The following ROS1 variants were observed in gnomAD, a reference collection of about 807,000 sequenced individuals.
The protein encoded by ROS1 is ROS proto-oncogene 1, receptor tyrosine kinase.
In ROS1, 263 loss-of-function variants were observed where a neutral mutation model predicts 273.5. The observed-to-expected ratio is 0.96, with a 90% CI of 0.87 to 1.06. The LOEUF (loss-of-function observed/expected upper bound fraction) is 1.06. Among genes scored for constraint, ROS1 ranks in the 50% least tolerant of loss-of-function variants. The probability of loss-of-function intolerance (pLI) is 0.00; values close to 1 mark genes in which losing one functional copy is unlikely to be tolerated. For missense variants in ROS1, 2,833 were observed against 2,751.1 expected, an observed-to-expected ratio of 1.03 and a Z score of -0.67; for synonymous variants, 1,008 against 954.1, an observed-to-expected ratio of 1.06 and a Z score of -1.04.
At chr6:117,298,196 G>A (rs6922423) in intron 43 of ROS1, among the ~76,000 whole-genome samples, 370 of 152,170 alleles carry the variant, frequency 2.4e-3, no homozygotes, top group African/African-American at 8.3e-3. Context: ...TGAAATGATA[G>A]ACAATGAAAA....
Position 117,394,352 on chromosome 6 carries a change from A to G in ROS1, c.1007-6T>C. 6.3e-7 allele frequency: 1 copy of G among 1,590,258 alleles called. No individual in the cohort carries two copies. Among genetic ancestry groups the G allele is most frequent in the Non-Finnish European group, 8.5e-7 (1 of 1,174,654 alleles). On this transcript the variant is annotated splice_region_variant and splice_polypyrimidine_tract_variant and intron_variant, in intron 10 of 43. Coordinates refer to ENST00000368507, the MANE Select transcript of ROS1 (RefSeq NM_001378902.1). ...GTGGACATCAACAGATATTCCTAGA[A>G]GAGCCATGCAAGTGCACACACATTA...
chr6:117,418,444 A>G lies in ROS1; in HGVS notation c.168+18T>C, dbSNP rs767984433. 1.9e-6 allele frequency: 3 copies of G among 1,563,670 alleles called. No individual in the cohort carries two copies. Among genetic ancestry groups the G allele is most frequent in the Non-Finnish European group, 2.6e-6 (3 of 1,145,240 alleles). ...CACAAACATTGTAATATTCTTGACA[A>G]CTGAAGAAATTACTTACCGGTTCAC... On this transcript the variant is annotated intron_variant, in intron 2 of 43. Transcript: ENST00000368507.
chr6:117,396,987 T>A lies in ROS1; in HGVS notation c.734A>T (p.Asn245Ile). ...CTGTGTCCCTGCATCTAATTTTTGA[T>A]TTTTGCTGATCAGCCTTAAGTTATA... Reference protein sequence around the residue: ...LGYNLRLISKNQKLDAGTQRT... With the variant: ...LGYNLRLISKIQKLDAGTQRT... Residue 245 changes from asparagine to isoleucine, a missense_variant, in exon 8 of 44, where the codon AAT (asparagine) becomes ATT (isoleucine). By Grantham distance (149) the Asn-to-Ile change is moderately radical. Transcript: ENST00000368507. 1 of 1,614,164 alleles carries A rather than the reference T, an allele frequency of 6.2e-7. No homozygotes were observed. The highest frequency in any genetic ancestry group is 1.1e-5 in the South Asian group (1 of 91,088).
intron 5 of ROS1, 33 bp from the exon 6 acceptor site, chr6:117,404,461 A>T (rs2128727154): frequency 6.2e-7 from 1 of 1,603,528 alleles, no homozygotes. Flanking sequence ...CTCACCACGC[A>T]CTCCTGTCCA....
chr6:117,413,613 C>T (rs539535169), intron 4 of ROS1, among the ~76,000 whole-genome samples: 3 of 152,230 alleles, frequency 2.0e-5, no homozygotes, highest in South Asian at 2.1e-4. Context: ...CAGTGTGAGA[C>T]ATTACTTACC....
chr6:117,350,398 C>A (rs1778732026), intron 27 of ROS1, among the ~76,000 whole-genome samples: 1 of 151,892 alleles, frequency 6.6e-6, no homozygotes, highest in Non-Finnish European at 1.5e-5. Flanking sequence ...TTTCCTCTGG[C>A]TTCTTTCAGA....
intron 4 of ROS1, among the ~76,000 whole-genome samples, chr6:117,413,871 C>A (rs1266467585): frequency 6.6e-6 from 1 of 152,108 alleles, no homozygotes; most frequent in Non-Finnish European, 1.5e-5. Context: ...GCCCCAGCTA[C>A]TCAGAAAGTT....
rs1159939787 is a variant in ROS1 at position 117,383,400 on chromosome 6, T to C, written c.2398A>G (p.Thr800Ala). 6.2e-7 allele frequency: 1 copy of C among 1,614,018 alleles called. No individual in the cohort carries two copies. The highest frequency in any genetic ancestry group is 1.3e-5 in the African/African-American group (1 of 75,050). Reference sequence around the variant, plus strand: ...CTGGTGCTTTCCACTGAATAGAGTGTGGTCCAGTAGAGATATCCACCAACT... The same window carrying C: ...CTGGTGCTTTCCACTGAATAGAGTGCGGTCCAGTAGAGATATCCACCAACT... Reference protein sequence around the residue: ...DSVGGYLYWTTLYSVESTRLN... With the variant: ...DSVGGYLYWTALYSVESTRLN... The change falls in exon 17 of 44, where the codon ACA (threonine) becomes GCA (alanine). Residue 800 changes from threonine (T) to alanine (A), a missense_variant. Thr to Ala is a moderately conservative substitution (Grantham distance 58). Coordinates refer to ENST00000368507, the MANE Select transcript of ROS1 (RefSeq NM_001378902.1).
At chr6:117,410,096 G>A (rs1182724067) in intron 4 of ROS1, among the ~76,000 whole-genome samples, 1 of 152,036 alleles carries the variant, frequency 6.6e-6, no homozygotes, top group Non-Finnish European at 1.5e-5. Flanking sequence ...GAACATTTTC[G>A]TTGTCCCCAA....
intron 1 of ROS1, among the ~76,000 whole-genome samples, chr6:117,418,989 A>T (rs1775549521): frequency 6.6e-6 from 1 of 152,238 alleles, no homozygotes; most frequent in Non-Finnish European, 1.5e-5. Context: ...GGAACTAAGG[A>T]CAGAGATCTA....
In ROS1 at chr6:117,365,107, C is replaced by T; in HGVS notation, c.3056G>A (p.Trp1019Ter). Residue 1019 changes from tryptophan (W) to a stop codon, truncating the protein, a stop_gained, in exon 21 of 44, where the codon TGG becomes TAG. Coordinates refer to ENST00000368507, the MANE Select transcript of ROS1 (RefSeq NM_001378902.1). LOFTEE classifies it high-confidence loss of function. Reference protein sequence around the residue: ...FNLSVTPYTYWGKGPKTSLSL... With the variant: ...FNLSVTPYTY ...CAGAGATGTTTTGGGGCCCTTTCCC[C>T]AGTAGGTATAAGGAGTGACAGAAAG... 6.2e-7 allele frequency: 1 copy of T among 1,613,800 alleles called. No individual in the cohort carries two copies. The highest frequency in any genetic ancestry group is 8.5e-7 in the Non-Finnish European group (1 of 1,179,808).
rs200145587 is a variant in ROS1 at position 117,362,681 on chromosome 6, C to T, written c.3288G>A (p.Trp1096Ter). 1.2e-4 allele frequency: 190 copies of T among 1,613,342 alleles called. No homozygotes were observed. The highest frequency in any genetic ancestry group is 1.6e-4 in the Non-Finnish European group (187 of 1,179,420). The change falls in exon 22 of 44, where the codon TGG (tryptophan) becomes TGA (stop). Residue 1096 changes from tryptophan to a stop codon, truncating the protein, a stop_gained. Coordinates refer to ENST00000368507, the MANE Select transcript of ROS1 (RefSeq NM_001378902.1). LOFTEE classifies it high-confidence loss of function. Reference sequence around the variant, plus strand: ...CTGAGGGAGTGACATTGACAGCAATCCAGTCTTCACATGTTTTGTTTGTAA... The same window carrying T: ...CTGAGGGAGTGACATTGACAGCAATTCAGTCTTCACATGTTTTGTTTGTAA... ...QSITNKTCED[W>*]IAVNVTPSVM...
At chr6:117,323,976 G>A (rs1776460301) in intron 35 of ROS1, among the ~76,000 whole-genome samples, 1 of 151,984 alleles carries the variant, frequency 6.6e-6, no homozygotes. Flanking sequence ...CTGTACCCAG[G>A]GTTATTTTTC....
intron 2 of ROS1, among the ~76,000 whole-genome samples, chr6:117,417,767 C>T (rs1371034591): frequency 2.0e-5 from 3 of 152,160 alleles, no homozygotes; most frequent in East Asian, 3.8e-4. Flanking sequence ...CAAAAAGGGC[C>T]TTCTCTGATC....
chr6:117,339,109 G>A (rs188384247), intron 31 of ROS1, among the ~76,000 whole-genome samples: 226 of 152,252 alleles, frequency 1.5e-3, no homozygotes, highest in African/African-American at 5.2e-3. Context: ...GATCAAGCTT[G>A]TCCAACTTTC....
rs746135095 is a variant in ROS1, at chr6:117,394,201, A to T, written c.1152T>A (p.Asp384Glu). 6.3e-7 allele frequency: 1 copy of T among 1,599,350 alleles called. No homozygotes were observed. The highest frequency in any genetic ancestry group is 1.3e-5 in the African/African-American group (1 of 74,092). The change falls in exon 11 of 44, where the codon GAT (aspartate) becomes GAA (glutamate). Residue 384 changes from aspartate (D) to glutamate (E), a missense_variant. Transcript: ENST00000368507. ...TGAAATACATTCTTTGATAAAGCCA[A>T]TCTATGGAGATAGAAGAAATTAATC... Reference protein sequence around the residue: ...GSGLISSISIDWLYQRMYFIM... With the variant: ...GSGLISSISIEWLYQRMYFIM...
chr6:117,416,515 T>A (rs1775347432), intron 2 of ROS1, among the ~76,000 whole-genome samples, 198 bp from the exon 3 acceptor site: 1 of 152,152 alleles, frequency 6.6e-6, no homozygotes, highest in African/African-American at 2.4e-5. Flanking sequence ...GTAGAACAAG[T>A]CTTGTGGCTC....
At position 117,388,774 on chromosome 6, in the gene ROS1, T is replaced by C. The variant is rs184115402; in HGVS notation, c.1786+576A>G. Among the ~76,000 whole-genome samples the C allele has an allele frequency of 3.9e-5, 6 of 152,352 alleles. No homozygotes were observed. In the East Asian group the frequency reaches 1.2e-3, roughly 29 times the overall value. ...GTTCTAAGTGCTCTACTAATGTGTT[T>C]TAATTTTATCTGTACAACAGTTCCA... On this transcript the variant is annotated intron_variant, in intron 13 of 43. Transcript: ENST00000368507.
chr6:117,297,901 T>C (rs1774377176), intron 43 of ROS1, among the ~76,000 whole-genome samples: 1 of 152,142 alleles, frequency 6.6e-6, no homozygotes, highest in Non-Finnish European at 1.5e-5. Flanking sequence ...AATCATTATA[T>C]CAAAAACATA....
Sources: allele counts gnomAD v4.1 joint callset (sites outside exome capture counted in the v4.1 genomes callset), GRCh38; gene constraint gnomAD v4.1.1; transcripts MANE v1.5; gene names NCBI Gene and HGNC (gene_info 2026-07-23, HGNC 2026-07-21).